ROBO2: variants seen among roughly 807,000 people sequenced by gnomAD.
ROBO2 encodes roundabout guidance receptor 2.
Under a neutral mutation model 160.8 loss-of-function variants are expected in ROBO2, and 53 were observed. That is an observed-to-expected ratio of 0.33 (90% CI 0.26 to 0.41). The LOEUF (loss-of-function observed/expected upper bound fraction) is 0.41. Ranked by LOEUF, ROBO2 falls within the 10% of genes least tolerant of loss-of-function variation. The pLI, the probability that ROBO2 is intolerant of heterozygous loss-of-function variation, is 1.00. For missense variants in ROBO2, 1,577 were observed against 1,722.4 expected, an observed-to-expected ratio of 0.92 and a Z score of 1.49; for synonymous variants, 664 against 611.7, an observed-to-expected ratio of 1.09 and a Z score of -1.26.
intron 2 of ROBO2, among the ~76,000 whole-genome samples, chr3:77,229,997 G>T (rs1353518167): frequency 1.3e-5 from 2 of 152,118 alleles, no homozygotes; most frequent in African/African-American, 4.8e-5. Context: ...GTTTTATCTG[G>T]TGAATAAAAA....
At chr3:76,000,074 C>G (rs945303880) in intron 2 of ROBO2, among the ~76,000 whole-genome samples, 1 of 152,140 alleles carries the variant, frequency 6.6e-6, no homozygotes, top group Non-Finnish European at 1.5e-5. Flanking sequence ...AATGAACTCA[C>G]AGTTCCACGT....
chr3:77,028,718 C>A (rs1301857057), intron 2 of ROBO2, among the ~76,000 whole-genome samples: 2 of 151,588 alleles, frequency 1.3e-5, no homozygotes, highest in African/African-American at 4.8e-5. Flanking sequence ...GACTCCGTCT[C>A]AAAAAAAAGA....
intron 2 of ROBO2, among the ~76,000 whole-genome samples, chr3:76,908,333 C>T (rs2075755319): frequency 1.3e-5 from 2 of 152,182 alleles, no homozygotes; most frequent in Non-Finnish European, 2.9e-5. Flanking sequence ...CTTGGCAGCA[C>T]ACACATTTTG....
chr3:76,378,075 A>T (rs1425690613), intron 2 of ROBO2, among the ~76,000 whole-genome samples: 2 of 152,204 alleles, frequency 1.3e-5, no homozygotes, highest in Non-Finnish European at 2.9e-5. Context: ...TTGCAGTATA[A>T]TATGAGATGC....
intron 2 of ROBO2, among the ~76,000 whole-genome samples, chr3:76,425,776 A>G (rs971076034): frequency 6.6e-6 from 1 of 151,984 alleles, no homozygotes; most frequent in African/African-American, 2.4e-5. Flanking sequence ...TGATCAGAAC[A>G]AAGTTTCCCT....
chr3:76,222,654 G>T (rs142428550), intron 2 of ROBO2, among the ~76,000 whole-genome samples: 7 of 152,202 alleles, frequency 4.6e-5, no homozygotes, highest in Admixed American at 2.6e-4. Flanking sequence ...GTGTGTGGGT[G>T]GGGGAGAGCC....
At chr3:76,710,431 A>G (rs2093268777) in intron 2 of ROBO2, among the ~76,000 whole-genome samples, 1 of 152,088 alleles carries the variant, frequency 6.6e-6, no homozygotes, top group Admixed American at 6.6e-5. Flanking sequence ...TCCTATTCTC[A>G]TATTCAGAAA....
intron 9 of ROBO2, among the ~76,000 whole-genome samples, chr3:77,558,393 G>A (rs1281296237): frequency 6.6e-6 from 1 of 152,012 alleles, no homozygotes; most frequent in Non-Finnish European, 1.5e-5. Context: ...CATTCCATAT[G>A]TATACAGTCA....
At chr3:76,139,201 A>G (rs2071541882) in intron 2 of ROBO2, among the ~76,000 whole-genome samples, 1 of 152,072 alleles carries the variant, frequency 6.6e-6, no homozygotes, top group East Asian at 1.9e-4. Context: ...AGATATCATC[A>G]TTTAGTATGA....
intron 2 of ROBO2, among the ~76,000 whole-genome samples, chr3:76,014,674 T>G (rs2066352113): frequency 6.6e-6 from 1 of 152,190 alleles, no homozygotes; most frequent in Non-Finnish European, 1.5e-5. Flanking sequence ...ATGCATGTAA[T>G]CCCCGCACTT....
In ROBO2 at chr3:77,477,838, T is replaced by TC. The variant is rs1475664853; in HGVS notation, c.546+267_546+268insC. Among the ~76,000 whole-genome samples the TC allele has an allele frequency of 6.6e-4, 93 of 141,354 alleles. 2 individuals carry two copies. Among genetic ancestry groups the TC allele is most frequent in the Non-Finnish European group, 8.3e-4 (54 of 65,112 alleles). The allele number at this position is 141,354 out of a possible 152,430, so 92.7% of individuals were successfully genotyped here. ...ATATTGATATTTTAGCTCTTTTTTT[T>TC]TTTTTTTTTTTTTTTGAGACAGAGT... On this transcript the variant is annotated intron_variant, in intron 3 of 25. Transcript: ENST00000461745.
intron 2 of ROBO2, among the ~76,000 whole-genome samples, chr3:76,108,849 A>G (rs1395717718): frequency 1.3e-5 from 2 of 151,364 alleles, no homozygotes; most frequent in South Asian, 4.2e-4. Flanking sequence ...ATGAGGTTAC[A>G]TACAGATATC....
At chr3:76,766,949 T>G (rs2061606465) in intron 2 of ROBO2, among the ~76,000 whole-genome samples, 1 of 151,518 alleles carries the variant, frequency 6.6e-6, no homozygotes, top group Admixed American at 6.6e-5. Context: ...AATGGAAGGA[T>G]TTCTACAAGG....
chr3:76,841,933 G>A (rs1477525509), intron 2 of ROBO2, among the ~76,000 whole-genome samples: 2 of 152,154 alleles, frequency 1.3e-5, no homozygotes, highest in African/African-American at 4.8e-5. Context: ...TCAACAGGGA[G>A]ACCAGCATAA....
intron 2 of ROBO2, among the ~76,000 whole-genome samples, chr3:75,998,782 AC>A (rs902219434): frequency 6.6e-6 from 1 of 152,188 alleles, no homozygotes; most frequent in African/African-American, 2.4e-5. Flanking sequence ...GAAAACACAA[AC>A]TAAAATAATT....
At chr3:77,371,151 T>C (rs923495898) in intron 2 of ROBO2, among the ~76,000 whole-genome samples, 1 of 152,192 alleles carries the variant, frequency 6.6e-6, no homozygotes, top group Non-Finnish European at 1.5e-5. Context: ...CATTTAACAA[T>C]TCTTAAAAAT....
intron 2 of ROBO2, among the ~76,000 whole-genome samples, chr3:77,401,273 A>T (rs1470737099): frequency 6.6e-6 from 1 of 151,744 alleles, no homozygotes; most frequent in Non-Finnish European, 1.5e-5. Context: ...TAAAAAAAAA[A>T]AAACTCAAAG....
At chr3:76,271,981 T>A (rs1051253009) in intron 2 of ROBO2, among the ~76,000 whole-genome samples, 1 of 152,194 alleles carries the variant, frequency 6.6e-6, no homozygotes, top group Non-Finnish European at 1.5e-5. Context: ...TTTTCTGATA[T>A]GTATCATTTA....
At chr3:77,565,062 G>T in exon 12 of ROBO2, 1 of 1,613,692 alleles carries the variant, frequency 6.2e-7, no homozygotes, top group Non-Finnish European at 8.5e-7. Context: ...TGGTCAGAGC[G>T]ATCAACCCCC....
Sources: allele counts gnomAD v4.1 joint callset (sites outside exome capture counted in the v4.1 genomes callset), GRCh38; gene constraint gnomAD v4.1.1; transcripts MANE v1.5; gene names NCBI Gene and HGNC (gene_info 2026-07-23, HGNC 2026-07-21).